The following FN1 variants were observed in gnomAD, a reference collection of about 807,000 sequenced individuals.
FN1 encodes the protein fibronectin.
FN1 carries 106 observed loss-of-function variants against 297.3 expected under a neutral mutation model. The observed-to-expected ratio is 0.36, with a 90% CI of 0.30 to 0.42. FN1 has a LOEUF of 0.42. Ranked by LOEUF, FN1 falls within the 10% of genes least tolerant of loss-of-function variation. The pLI is 1.00. For synonymous variants in FN1, 1,149 were observed against 1,152.6 expected (o/e 1.00, Z 0.06); for missense variants, 2,690 against 3,124.9 (o/e 0.86, Z 3.32).
Position 215,423,393 on chromosome 2 carries a change from C to T in FN1, c.1350G>A (p.Gln450=), listed in dbSNP as rs2064789614. 1.2e-6 allele frequency: 2 copies of T among 1,614,126 alleles called. No homozygotes were observed. The highest frequency in any genetic ancestry group is 1.1e-5 in the South Asian group (1 of 91,088). Reference sequence around the variant, plus strand: ...CAAACTTCTGGTCGGCATCATAGTTCTGTGTGGTCCCACACCACTTCATGT... The same window carrying T: ...CAAACTTCTGGTCGGCATCATAGTTTTGTGTGGTCCCACACCACTTCATGT... ...RDNMKWCGTT[Q]NYDADQKFGF... The change falls in exon 9 of 46, where the codon CAG becomes CAA. Residue 450 remains glutamine, a synonymous_variant. Transcript: ENST00000354785.
intron 39 of FN1, among the ~76,000 whole-genome samples, chr2:215,373,046 C>G (rs1434540587): frequency 6.6e-6 from 1 of 151,998 alleles, no homozygotes; most frequent in South Asian, 2.1e-4. Context: ...GATAGCTCTT[C>G]TTTTACATTT....
At position 215,361,547 on chromosome 2, in the gene FN1, A is replaced by AAGAT. The variant is rs765471994; in HGVS notation, c.*4_*7dup. The AAGAT allele has an allele frequency of 6.3e-7, 1 of 1,588,988 alleles. No individual in the cohort carries two copies. Among genetic ancestry groups the AAGAT allele is most frequent in the African/African-American group, 1.3e-5 (1 of 74,376 alleles). On this transcript the variant is annotated 3_prime_UTR_variant, in exon 46 of 46. Transcript: ENST00000354785. ...GACATGCTTGTTCCTCTGGATTGGA[A>AAGAT]AGATGATTTACTCTCGGGAATCTTC...
Position 215,393,004 on chromosome 2 carries a change from A to C in FN1, c.3996T>G (p.Ile1332Met). The C allele has an allele frequency of 6.2e-7, 1 of 1,613,840 alleles. No individual in the cohort carries two copies. Among genetic ancestry groups the C allele is most frequent in the East Asian group, 2.2e-5 (1 of 44,884 alleles). Residue 1332 changes from isoleucine (I) to methionine (M), a missense_variant, in exon 25 of 46, where the codon ATT becomes ATG. Physicochemically the swap from Ile to Met is conservative, Grantham distance 10. Coordinates refer to ENST00000354785, the MANE Select transcript of FN1 (RefSeq NM_212482.4). ...GAGTGATAACGCTGATATCATAGTC[A>C]ATGCCCGGCTCCAGCCCTGTGACTG... ...YYTVTGLEPG[I>M]DYDISVITLI...
chr2:215,382,308 T>C lies in FN1; in HGVS notation c.5068A>G (p.Ile1690Val), dbSNP rs544417734. The change falls in exon 32 of 46, where the codon ATT becomes GTT. Residue 1690 changes from isoleucine to valine, a missense_variant. Transcript: ENST00000354785. ...TCCACTGTGGGCTGCAAGCCTTCAATAGTCATTTCTGTTTGATCTGCAAAG... is the reference window on the plus strand; with the variant it reads ...TCCACTGTGGGCTGCAAGCCTTCAACAGTCATTTCTGTTTGATCTGCAAAG... ...TAGPDQTEMT[I>V]EGLQPTVEYV... 10 of 1,612,124 alleles carry C rather than the reference T, an allele frequency of 6.2e-6. No homozygotes were observed. Among genetic ancestry groups the C allele is most frequent in the African/African-American group, 2.7e-5 (2 of 74,994 alleles).
chr2:215,414,196 A>C (rs775262633), intron 13 of FN1, among the ~76,000 whole-genome samples: 1 of 152,204 alleles, frequency 6.6e-6, no homozygotes, highest in Non-Finnish European at 1.5e-5. Context: ...TGAGAGAGTA[A>C]GAGAAACTAA....
At chr2:215,405,541 T>A (rs2061673988) in intron 19 of FN1, among the ~76,000 whole-genome samples, 4 of 152,112 alleles carry the variant, frequency 2.6e-5, no homozygotes. Context: ...GTCAGGAGTT[T>A]CAGACCAGCT....
At chr2:215,398,702 T>C (rs1336020933) in intron 21 of FN1, among the ~76,000 whole-genome samples, 2 of 152,190 alleles carry the variant, frequency 1.3e-5, no homozygotes, top group Admixed American at 6.5e-5. Context: ...TTTAAACATA[T>C]TCATTTGTAT....
At chr2:215,397,252 A>C in intron 22 of FN1, 29 bp from the exon 23 acceptor site, 1 of 1,499,606 alleles carries the variant, frequency 6.7e-7, no homozygotes, top group Non-Finnish European at 9.3e-7. Context: ...TTAAAAGTCA[A>C]AGCTGACACA....
chr2:215,408,167 T>C lies in FN1; in HGVS notation c.2459A>G (p.Asp820Gly). The change falls in exon 17 of 46, where the codon GAC (aspartate) becomes GGC (glycine). Residue 820 changes from aspartate to glycine, a missense_variant. Asp to Gly is a moderately conservative substitution (Grantham distance 94, BLOSUM62 -1). Coordinates refer to ENST00000354785, the MANE Select transcript of FN1 (RefSeq NM_212482.4). ...AACAATTGAGGTGTCATCAACTTGGTCCACAGTCGTGTCAGGAGGGGCATC... is the reference window on the plus strand; with the variant it reads ...AACAATTGAGGTGTCATCAACTTGGCCCACAGTCGTGTCAGGAGGGGCATC... ...APDAPPDTTV[D>G]QVDDTSIVVR... 2 of 1,614,060 alleles carry C rather than the reference T, an allele frequency of 1.2e-6. No individual in the cohort carries two copies. Among genetic ancestry groups the C allele is most frequent in the Non-Finnish European group, 1.7e-6 (2 of 1,180,014 alleles).
chr2:215,364,039 G>A (rs149713966), intron 44 of FN1, among the ~76,000 whole-genome samples: 16 of 152,210 alleles, frequency 1.1e-4, no homozygotes, highest in South Asian at 4.2e-4. Context: ...CTTAGTCATC[G>A]TAAACCTCAG....
In FN1 at chr2:215,434,786, G is replaced by C; in HGVS notation, c.187C>G (p.Gln63Glu). 1.2e-6 allele frequency: 2 copies of C among 1,613,804 alleles called. No homozygotes were observed. The highest frequency in any genetic ancestry group is 1.7e-6 in the Non-Finnish European group (2 of 1,179,744). ...YDNGKHYQIN[Q>E]QWERTYLGNA... is the part of the protein sequence containing the mutation. ...CCTAGGTAGGTCCGCTCCCACTGTT[G>C]ATTTATCTGATAGTGTTTTCCATTG... The change falls in exon 2 of 46, where the codon CAA (glutamine) becomes GAA (glutamate). Residue 63 changes from glutamine (Q) to glutamate (E), a missense_variant. Gln to Glu is a conservative substitution (Grantham distance 29). Around this residue, in one of 3 missense-constraint regions of FN1, gnomAD observed 876 missense variants for 1,058.1 expected, o/e 0.83. Coordinates refer to ENST00000354785, the MANE Select transcript of FN1 (RefSeq NM_212482.4).
intron 20 of FN1, among the ~76,000 whole-genome samples, chr2:215,400,814 G>C (rs1464777713): frequency 7.8e-6 from 1 of 127,566 alleles, no homozygotes; most frequent in Non-Finnish European, 1.6e-5. Context: ...TTTTTTTTTT[G>C]AGATGGACTC....
At chr2:215,363,124 C>A (rs2053831998) in intron 44 of FN1, 1 of 152,170 alleles carries the variant, frequency 6.6e-6, no homozygotes, top group Admixed American at 6.5e-5. Flanking sequence ...GTGACTACCT[C>A]CTTACAGAAT....
chr2:215,396,419 A>G (rs2060321247), intron 23 of FN1, among the ~76,000 whole-genome samples: 1 of 152,196 alleles, frequency 6.6e-6, no homozygotes, highest in Admixed American at 6.5e-5. Flanking sequence ...GCATTTTATA[A>G]ATAATTTTCA....
chr2:215,381,268 A>C (rs910700790), intron 32 of FN1, 188 bp from the exon 33 acceptor site: 2 of 643,328 alleles, frequency 3.1e-6, no homozygotes, highest in South Asian at 3.7e-5. Flanking sequence ...GCAATGTTGC[A>C]TCACTTATTA....
intron 6 of FN1, among the ~76,000 whole-genome samples, chr2:215,426,369 C>T (rs186935678): frequency 7.9e-4 from 120 of 151,912 alleles, no homozygotes; most frequent in Non-Finnish European, 1.2e-3. Context: ...AGGATGGTCT[C>T]GATCTCCTGA....
rs533268353 is a variant in FN1, at chr2:215,368,106, G to A, written c.6854-79C>T. On this transcript the variant is annotated intron_variant, in intron 41 of 45. Coordinates refer to ENST00000354785, the MANE Select transcript of FN1 (RefSeq NM_212482.4). ...ACCATAAGAAGAAAATCGAATGACT[G>A]TATACAATGACTTAATCTAAAACAA... 7.8e-6 allele frequency: 11 copies of A among 1,405,206 alleles called. No individual in the cohort carries two copies. The East Asian group carries it at 2.3e-4, about 30-fold the overall frequency. 87.0% of individuals were successfully genotyped at this position (1,405,206 alleles called of 1,614,324 possible).
At chr2:215,396,289 T>G (rs745836564) in intron 23 of FN1, among the ~76,000 whole-genome samples, 4 of 152,212 alleles carry the variant, frequency 2.6e-5, no homozygotes, top group African/African-American at 7.2e-5. Context: ...TTTTTCTCCA[T>G]AGGTTTGTTG....
intron 6 of FN1, among the ~76,000 whole-genome samples, chr2:215,425,660 C>A (rs2065197164): frequency 6.6e-6 from 1 of 152,144 alleles, no homozygotes; most frequent in Non-Finnish European, 1.5e-5. Context: ...TCAAGCTATT[C>A]TCCTGCCTCA....
Sources: allele counts gnomAD v4.1 joint callset (sites outside exome capture counted in the v4.1 genomes callset), GRCh38; gene constraint gnomAD v4.1.1; regional missense constraint gnomAD v4.1.1; transcripts MANE v1.5; gene names NCBI Gene and HGNC (gene_info 2026-07-23, HGNC 2026-07-21).